RARB: variants seen among roughly 807,000 people sequenced by gnomAD.
RARB encodes the protein HBV-activated protein.
RARB carries 17 observed loss-of-function variants against 51.9 expected under a neutral mutation model. That is an observed-to-expected ratio of 0.33 (90% CI 0.22 to 0.49). RARB has a LOEUF of 0.49. Among genes scored for constraint, RARB ranks in the 20% least tolerant of loss-of-function variants. RARB has a pLI of 0.99. For synonymous variants in RARB, 215 were observed against 195.4 expected (o/e 1.10, Z -0.84); for missense variants, 369 against 550.8 (o/e 0.67, Z 3.30).
At chr3:25,303,071 G>C (rs979432620) in intron 5 of RARB, among the ~76,000 whole-genome samples, 1 of 152,182 alleles carries the variant, frequency 6.6e-6, no homozygotes, top group Non-Finnish European at 1.5e-5. Context: ...ATCAGAGCCT[G>C]TATTTATTCT....
chr3:24,995,698 AC>A (rs937301306), intron 2 of RARB, among the ~76,000 whole-genome samples: 1 of 151,932 alleles, frequency 6.6e-6, no homozygotes, highest in Admixed American at 6.6e-5. Flanking sequence ...ATTCTATCAA[AC>A]TTTTTCTACA....
At chr3:25,369,866 G>A (rs1315028789) in intron 5 of RARB, among the ~76,000 whole-genome samples, 1 of 152,064 alleles carries the variant, frequency 6.6e-6, no homozygotes, top group Non-Finnish European at 1.5e-5. Context: ...AGTTTGCAGT[G>A]AGCCAAGATC....
intron 2 of RARB, 85 bp from the exon 3 acceptor site, chr3:25,501,097 A>C: frequency 6.9e-7 from 1 of 1,450,470 alleles, no homozygotes; most frequent in Admixed American, 2.6e-5. Context: ...AAAAAGAGCA[A>C]TTAATGCATT....
rs1011963221 is a variant in RARB, at chr3:25,097,777, A to G, written c.-327-34384A>G. 7.2e-5 allele frequency among the ~76,000 whole-genome samples: 11 copies of G among 152,102 alleles called. No homozygotes were observed. The East Asian group carries it at 2.1e-3, about 29-fold the overall frequency. On this transcript the variant is annotated intron_variant, in intron 3 of 11. Transcript: ENST00000383772. ...TCACCTCCTCATTAGCCTTAGTTTC[A>G]TATCTGTGTCTCAGGTCACAGGTGG...
At chr3:25,495,113 T>A (rs955210418) in intron 2 of RARB, among the ~76,000 whole-genome samples, 2 of 152,188 alleles carry the variant, frequency 1.3e-5, no homozygotes, top group Admixed American at 1.3e-4. Flanking sequence ...CAGGCCAGTA[T>A]CTAAACCAAC....
intron 3 of RARB, among the ~76,000 whole-genome samples, chr3:25,085,287 T>A (rs980061620): frequency 6.6e-6 from 1 of 152,194 alleles, no homozygotes; most frequent in Non-Finnish European, 1.5e-5. Context: ...ACATCCTACA[T>A]TGAAGCATGA....
At chr3:25,220,213 A>G (rs1701917757) in intron 5 of RARB, among the ~76,000 whole-genome samples, 1 of 152,146 alleles carries the variant, frequency 6.6e-6, no homozygotes, top group Admixed American at 6.5e-5. Context: ...CATTTCCCTA[A>G]CTGTATGGTT....
chr3:25,265,360 C>T (rs1310608466), intron 5 of RARB, among the ~76,000 whole-genome samples: 1 of 152,112 alleles, frequency 6.6e-6, no homozygotes, highest in East Asian at 1.9e-4. Context: ...TACATAATTG[C>T]CCTCCAAAAA....
chr3:25,445,579 A>G (rs12632291), intron 1 of RARB, among the ~76,000 whole-genome samples: 2 of 152,058 alleles, frequency 1.3e-5, no homozygotes, highest in Admixed American at 1.3e-4. Flanking sequence ...AAGCAGGAGA[A>G]TTGCTTGAGC....
chr3:25,400,649 A>G (rs553113760), intron 5 of RARB, among the ~76,000 whole-genome samples: 1 of 152,320 alleles, frequency 6.6e-6, no homozygotes, highest in African/African-American at 2.4e-5. Flanking sequence ...TGCCCTCAGG[A>G]TAGGAATATT....
chr3:24,901,659 C>G (rs1243246751), intron 2 of RARB, among the ~76,000 whole-genome samples: 2 of 152,178 alleles, frequency 1.3e-5, no homozygotes, highest in Non-Finnish European at 1.5e-5. Context: ...AATAAAGTTT[C>G]AAATACCAGT....
chr3:24,967,093 C>T (rs1696291806), intron 2 of RARB, among the ~76,000 whole-genome samples: 1 of 152,160 alleles, frequency 6.6e-6, no homozygotes. Context: ...AACAATTTCA[C>T]AGAGAAATTT....
chr3:25,129,082 A>AAT (rs766369456), intron 3 of RARB, among the ~76,000 whole-genome samples: 51 of 152,108 alleles, frequency 3.4e-4, no homozygotes, highest in Non-Finnish European at 6.9e-4. Flanking sequence ...AAATTCAGTA[A>AAT]ATAAGAATTT....
intron 2 of RARB, among the ~76,000 whole-genome samples, chr3:24,924,367 T>C (rs999862675): frequency 2.0e-4 from 31 of 152,184 alleles, no homozygotes; most frequent in African/African-American, 7.5e-4. Context: ...TCTGTGACAC[T>C]GGAAATGTTT....
rs367995422 is a variant in RARB at position 25,155,680 on chromosome 3, T to C, written c.-279-18439T>C. Among the ~76,000 whole-genome samples, 19 of 152,338 alleles carry C rather than the reference T, an allele frequency of 1.2e-4. No homozygotes were observed. In the East Asian group the frequency reaches 3.3e-3, roughly 26 times the overall value. ...TCAAAAAGCTTTATGATCTCTCAGC[T>C]ACAATTCCTCTTGATTTTCACCCAA... On this transcript the variant is annotated intron_variant, in intron 4 of 11. Coordinates refer to the RARB transcript ENST00000383772.
intron 2 of RARB, among the ~76,000 whole-genome samples, chr3:25,485,657 T>C (rs1224569232): frequency 6.6e-6 from 1 of 152,236 alleles, no homozygotes; most frequent in Non-Finnish European, 1.5e-5. Context: ...AAAATCATCT[T>C]ACAGACATTA....
intron 5 of RARB, among the ~76,000 whole-genome samples, chr3:25,299,685 T>C (rs981783768): frequency 9.2e-5 from 14 of 152,218 alleles, no homozygotes; most frequent in African/African-American, 3.4e-4. Context: ...TCCAATATGT[T>C]TTATTTTAGG....
At position 25,464,541 on chromosome 3, in the gene RARB, A is replaced by G. The variant is rs142934359; in HGVS notation, c.306+3200A>G. ...ATTGCTCTTCTCCCTGGTCATTGGG[A>G]AAGACTTGGTCTACATTTAAGCTTG... is the stretch of plus-strand genomic sequence containing the variant. On this transcript the variant is annotated intron_variant, in intron 2 of 7. Coordinates refer to ENST00000330688, the MANE Select transcript of RARB (RefSeq NM_000965.5). Among the ~76,000 whole-genome samples, 95 of 152,300 alleles carry G rather than the reference A, an allele frequency of 6.2e-4. No individual in the cohort carries two copies. In the East Asian group the frequency reaches 0.01, roughly 17 times the overall value.
chr3:25,395,486 C>G (rs529653890), intron 5 of RARB, among the ~76,000 whole-genome samples: 1 of 152,292 alleles, frequency 6.6e-6, no homozygotes, highest in Admixed American at 6.5e-5. Flanking sequence ...ATTATTCCCT[C>G]AAAGAAGTTT....
Sources: gnomAD v4.1 joint callset for allele counts (sites outside exome capture counted in the v4.1 genomes callset) on GRCh38, gnomAD v4.1.1 for gene constraint, MANE v1.5 for transcripts, NCBI Gene and HGNC (gene_info 2026-07-23, HGNC 2026-07-21) for gene names.